The following SP100 variants were observed in gnomAD, a reference collection of about 807,000 sequenced individuals.
SP100 encodes nuclear autoantigen Sp-100.
A neutral mutation model predicts 130.0 loss-of-function variants in SP100; 84 were observed. The ratio of observed to expected loss-of-function variants is 0.65; its 90% CI spans 0.54 to 0.77. The LOEUF (loss-of-function observed/expected upper bound fraction) is 0.77, where lower values mean the gene tolerates loss of function less well. SP100 is among the 30% of genes least tolerant of loss of function. SP100 has a pLI of 0.00. For missense variants in SP100, 978 were observed against 1,052.2 expected, an observed-to-expected ratio of 0.93 and a Z score of 0.97; for synonymous variants, 331 against 351.7, an observed-to-expected ratio of 0.94 and a Z score of 0.66.
chr2:230,530,017 T>C (rs528441255), intron 24 of SP100, among the ~76,000 whole-genome samples: 20 of 152,320 alleles, frequency 1.3e-4, no homozygotes, highest in Non-Finnish European at 2.4e-4. Flanking sequence ...AGGTAATTTA[T>C]AGATTCAATG....
intron 2 of SP100, among the ~76,000 whole-genome samples, chr2:230,434,403 G>A (rs73000227): frequency 0.11 from 17,453 of 152,080 alleles, 1,114 homozygotes; most frequent in African/African-American, 0.17. Context: ...GCATTTATGA[G>A]CATCTAATCA....
At chr2:230,477,340 T>C (rs1221817946) in intron 17 of SP100, among the ~76,000 whole-genome samples, 1 of 152,212 alleles carries the variant, frequency 6.6e-6, no homozygotes, top group East Asian at 1.9e-4. Flanking sequence ...TAAATTTTTA[T>C]GTAGTCAAAT....
At chr2:230,442,747 C>T (rs2063519700) in intron 2 of SP100, among the ~76,000 whole-genome samples, 190 bp from the exon 3 acceptor site, 1 of 152,150 alleles carries the variant, frequency 6.6e-6, no homozygotes, top group African/African-American at 2.4e-5. Context: ...ATTAGTTTTT[C>T]ACAACCTCCA....
At chr2:230,479,991 T>C (rs2065757823) in intron 17 of SP100, among the ~76,000 whole-genome samples, 1 of 152,236 alleles carries the variant, frequency 6.6e-6, no homozygotes, top group South Asian at 2.1e-4. Context: ...TGCTGACTTA[T>C]GAGAAGTTCT....
chr2:230,460,547 T>C (rs1326320329), intron 8 of SP100, among the ~76,000 whole-genome samples: 2 of 150,590 alleles, frequency 1.3e-5, no homozygotes, highest in African/African-American at 4.9e-5. Context: ...AAACAGTTAA[T>C]GGGAAGTGTC....
chr2:230,522,220 T>C (rs986362560), intron 24 of SP100, among the ~76,000 whole-genome samples: 1 of 151,730 alleles, frequency 6.6e-6, no homozygotes. Flanking sequence ...GGCTTGTTTG[T>C]TGTGGCAGCA....
Position 230,475,441 on chromosome 2 carries a change from T to G in SP100, c.1600+994T>G, listed in dbSNP as rs139896321. On this transcript the variant is annotated intron_variant, in intron 17 of 28. Transcript: ENST00000340126. ...CCTTGTAGATTCTGGATATCAGACC[T>G]TCGTTATATGCACAGTTTGCAAAAA... is the stretch of plus-strand genomic sequence containing the variant. Among the ~76,000 whole-genome samples, 467 of 152,326 alleles carry G rather than the reference T, an allele frequency of 3.1e-3. 3 individuals carry two copies. The highest frequency in any genetic ancestry group is 0.011 in the African/African-American group (451 of 41,580).
At chr2:230,466,448 T>A (rs2064964129) in intron 12 of SP100, 94 bp downstream of exon 12, 1 of 739,832 alleles carries the variant, frequency 1.4e-6, no homozygotes, top group Admixed American at 2.3e-5. Flanking sequence ...TCAGTCTAAT[T>A]CCTTGCTATA....
At chr2:230,476,602 G>T (rs186937821) in intron 17 of SP100, among the ~76,000 whole-genome samples, 1 of 152,150 alleles carries the variant, frequency 6.6e-6, no homozygotes, top group Admixed American at 6.5e-5. Flanking sequence ...TACTATGCAT[G>T]TATTAACACG....
intron 24 of SP100, among the ~76,000 whole-genome samples, chr2:230,520,137 T>C (rs530991354): frequency 6.6e-6 from 1 of 152,328 alleles, no homozygotes; most frequent in African/African-American, 2.4e-5. Context: ...TTTCAGGGTA[T>C]TCATGGACAA....
At chr2:230,530,699 C>T (rs899174838) in intron 24 of SP100, among the ~76,000 whole-genome samples, 1 of 152,148 alleles carries the variant, frequency 6.6e-6, no homozygotes, top group African/African-American at 2.4e-5. Flanking sequence ...GGGCTAATAT[C>T]AAGAATCTAC....
chr2:230,515,538 A>C (rs761838475), intron 24 of SP100: 2 of 1,602,882 alleles, frequency 1.2e-6, no homozygotes, highest in South Asian at 2.2e-5. Context: ...ATTCAGCAAA[A>C]AAGAGAGTTG....
chr2:230,424,443 G>T (rs1455376562), intron 2 of SP100, among the ~76,000 whole-genome samples: 1 of 152,146 alleles, frequency 6.6e-6, no homozygotes, highest in South Asian at 2.1e-4. Context: ...GAGGCAGGCG[G>T]ATCACCTGAG....
intron 3 of SP100, among the ~76,000 whole-genome samples, chr2:230,443,726 T>C (rs1463621004): frequency 6.6e-6 from 1 of 152,206 alleles, no homozygotes; most frequent in Admixed American, 6.5e-5. Context: ...TCTCTGGCTA[T>C]GAATATGCTT....
At chr2:230,505,860 A>G (rs200090257) in intron 21 of SP100, among the ~76,000 whole-genome samples, 1 of 152,206 alleles carries the variant, frequency 6.6e-6, no homozygotes, top group South Asian at 2.1e-4. Flanking sequence ...ATGTGGCTGT[A>G]GTAACAGCTT....
intron 2 of SP100, among the ~76,000 whole-genome samples, chr2:230,438,123 T>C (rs910529220): frequency 2.0e-5 from 3 of 152,204 alleles, no homozygotes; most frequent in African/African-American, 7.2e-5. Flanking sequence ...TGTCATTTTT[T>C]CTTAGTTGTG....
At chr2:230,470,225 T>C (rs2065199057) in intron 15 of SP100, 127 bp downstream of exon 15, 2 of 1,347,202 alleles carry the variant, frequency 1.5e-6, no homozygotes, top group African/African-American at 1.5e-5. Flanking sequence ...ATCTGGGAAC[T>C]CCTTTTTGCA....
chr2:230,445,445 G>A (rs2063666155), intron 4 of SP100, among the ~76,000 whole-genome samples: 1 of 152,192 alleles, frequency 6.6e-6, no homozygotes, highest in African/African-American at 2.4e-5. Context: ...AGATCAATTG[G>A]AGGAAGATAT....
In SP100 at chr2:230,504,255, T is replaced by C. The variant is rs1368123254; in HGVS notation, c.1835T>C (p.Val612Ala). Reference protein sequence around the residue: ...QSELPVTCGEVKGTLYKERFK... With the variant: ...QSELPVTCGEAKGTLYKERFK... The stretch of plus-strand genomic sequence containing the variant: ...GAACTTCCTGTGACCTGTGGTGAGG[T>C]GAAGGGCACTCTATATAAGGAGCGA... The change falls in exon 21 of 29, where the codon GTG becomes GCG. Residue 612 changes from valine to alanine, a missense_variant. Physicochemically the swap from Val to Ala is moderately conservative, Grantham distance 64. Transcript: ENST00000340126. 1 of 1,610,790 alleles carries C rather than the reference T, an allele frequency of 6.2e-7. No individual in the cohort carries two copies. The highest frequency in any genetic ancestry group is 1.1e-5 in the South Asian group (1 of 90,866).
Sources: allele counts gnomAD v4.1 joint callset (sites outside exome capture counted in the v4.1 genomes callset), GRCh38; gene constraint gnomAD v4.1.1; transcripts MANE v1.5; gene names NCBI Gene and HGNC (gene_info 2026-07-23, HGNC 2026-07-21).